Variants in OXR1 observed in about 807,000 individuals in gnomAD.
OXR1 encodes the protein oxidation resistance 1.
In OXR1, 41 loss-of-function variants were observed where a neutral mutation model predicts 104.6. The observed-to-expected ratio is 0.39, with a 90% confidence interval of 0.31 to 0.51. OXR1 has a LOEUF of 0.51. Among genes scored for constraint, OXR1 ranks in the 20% least tolerant of loss-of-function variants. OXR1 has a pLI of 0.77. For synonymous variants in OXR1, 348 were observed against 348.4 expected (o/e 1.00, Z 0.01); for missense variants, 955 against 1,031.9 (o/e 0.93, Z 1.02).
intron 2 of OXR1, among the ~76,000 whole-genome samples, chr8:106,499,836 C>T (rs564178595): frequency 3.3e-5 from 5 of 152,294 alleles, no homozygotes; most frequent in South Asian, 2.1e-4. Flanking sequence ...AGAAAAAAGA[C>T]GTGTTCTCCC....
At chr8:106,349,736 T>C (rs962928635) in intron 1 of OXR1, among the ~76,000 whole-genome samples, 2 of 151,912 alleles carry the variant, frequency 1.3e-5, no homozygotes, top group Admixed American at 6.6e-5. Flanking sequence ...AAGTCAAGGG[T>C]TACAAGTTAC....
At position 106,751,403 on chromosome 8, in the gene OXR1, C is replaced by A. The variant is rs1835879642; in HGVS notation, c.*462C>A. ...ACAGGTAACATTTGGACATGTTCAT[C>A]TTATTCTTAGGAAGGAAAAAATCAC... On this transcript the variant is annotated 3_prime_UTR_variant, in exon 17 of 17. Transcript: ENST00000517566. The A allele has an allele frequency of 6.6e-6, 1 of 152,636 alleles. No individual in the cohort carries two copies. Among genetic ancestry groups the A allele is most frequent in the South Asian group, 2.1e-4 (1 of 4,832 alleles). The allele number at this position is 152,636 out of a possible 1,614,324, so 9.5% of individuals were successfully genotyped here.
intron 1 of OXR1, among the ~76,000 whole-genome samples, chr8:106,288,542 G>GTGTA (rs148349338): frequency 8.1e-4 from 120 of 147,520 alleles, no homozygotes; most frequent in African/African-American, 2.4e-3. Context: ...GTGTGTGTGT[G>GTGTA]TATATATATA....
chr8:106,345,311 C>A (rs1815433607), intron 1 of OXR1, among the ~76,000 whole-genome samples: 1 of 152,128 alleles, frequency 6.6e-6, no homozygotes, highest in African/African-American at 2.4e-5. Flanking sequence ...GGAATTAAAG[C>A]TGGTTAGAGC....
chr8:106,364,974 T>A (rs772304249), intron 2 of OXR1, among the ~76,000 whole-genome samples: 1 of 152,188 alleles, frequency 6.6e-6, no homozygotes, highest in Non-Finnish European at 1.5e-5. Context: ...GCAGAGGAAG[T>A]AGAGACTTGA....
chr8:106,506,576 C>T (rs1045892457), intron 2 of OXR1, among the ~76,000 whole-genome samples: 11 of 151,882 alleles, frequency 7.2e-5, no homozygotes, highest in Admixed American at 3.9e-4. Context: ...ACGCCGCAGC[C>T]CTCCAGCCTG....
At chr8:106,737,779 A>G (rs1834535216) in intron 12 of OXR1, among the ~76,000 whole-genome samples, 179 bp downstream of exon 12, 1 of 152,070 alleles carries the variant, frequency 6.6e-6, no homozygotes, top group Non-Finnish European at 1.5e-5. Context: ...CTTTTCTGTC[A>G]TCTTTTCATT....
At chr8:106,363,815 C>G (rs950313708) in intron 2 of OXR1, among the ~76,000 whole-genome samples, 2 of 152,118 alleles carry the variant, frequency 1.3e-5, no homozygotes, top group Admixed American at 1.3e-4. Flanking sequence ...TTATTGGTCA[C>G]AAAGTACTGT....
At chr8:106,583,610 C>G (rs1479469753) in intron 3 of OXR1, among the ~76,000 whole-genome samples, 2 of 152,056 alleles carry the variant, frequency 1.3e-5, no homozygotes, top group East Asian at 3.9e-4. Context: ...GAGGAGGTAA[C>G]AGTGATAAAA....
intron 2 of OXR1, among the ~76,000 whole-genome samples, chr8:106,377,370 G>C (rs993585892): frequency 2.6e-5 from 4 of 151,940 alleles, no homozygotes; most frequent in African/African-American, 9.7e-5. Context: ...AAAATTTATA[G>C]AGATGAGGTC....
At chr8:106,314,954 G>A (rs1389576373) in intron 1 of OXR1, among the ~76,000 whole-genome samples, 2 of 151,968 alleles carry the variant, frequency 1.3e-5, no homozygotes, top group East Asian at 1.9e-4. Flanking sequence ...AAGTATCCCC[G>A]AATAATTAGA....
intron 1 of OXR1, among the ~76,000 whole-genome samples, chr8:106,309,010 G>C (rs1312317552): frequency 6.7e-6 from 1 of 150,102 alleles, no homozygotes; most frequent in Middle Eastern, 3.5e-3. Flanking sequence ...ACAGGGTCTT[G>C]CTCTGTCATA....
At chr8:106,725,285 T>G (rs1833222469) in intron 11 of OXR1, among the ~76,000 whole-genome samples, 1 of 151,928 alleles carries the variant, frequency 6.6e-6, no homozygotes, top group African/African-American at 2.4e-5. Context: ...GATGCAGTAT[T>G]GCGTGTTAGA....
chr8:106,728,064 T>G (rs1563752005), intron 11 of OXR1, among the ~76,000 whole-genome samples: 1 of 152,014 alleles, frequency 6.6e-6, no homozygotes, highest in Non-Finnish European at 1.5e-5. Flanking sequence ...TCTAGTTGTT[T>G]TCTTTGTTTT....
rs550050266 is a variant in OXR1 at position 106,344,821 on chromosome 8, C to A, written c.-138-14655C>A. 2.8e-4 allele frequency among the ~76,000 whole-genome samples: 42 copies of A among 152,318 alleles called. 1 individual carries two copies. Among genetic ancestry groups the A allele is most frequent in the African/African-American group, 9.1e-4 (38 of 41,584 alleles). On this transcript the variant is annotated intron_variant, in intron 1 of 16. Transcript: ENST00000517566. Reference sequence around the variant, plus strand: ...CATCTTACCACATACCCCTCACATTCATCCTTTATTGTAAAATCCCGTATG... The same window carrying A: ...CATCTTACCACATACCCCTCACATTAATCCTTTATTGTAAAATCCCGTATG...
intron 2 of OXR1, among the ~76,000 whole-genome samples, chr8:106,476,227 T>C (rs1332365789): frequency 6.6e-6 from 1 of 151,916 alleles, no homozygotes; most frequent in Non-Finnish European, 1.5e-5. Flanking sequence ...AAGTAGAGCA[T>C]CTTCAGTTGA....
At chr8:106,348,569 T>C (rs896851195) in intron 1 of OXR1, among the ~76,000 whole-genome samples, 15 of 152,180 alleles carry the variant, frequency 9.9e-5, no homozygotes, top group African/African-American at 3.4e-4. Flanking sequence ...GTTTGAACCT[T>C]TAATGACTCA....
intron 3 of OXR1, among the ~76,000 whole-genome samples, chr8:106,553,256 A>T (rs747528083): frequency 8.6e-5 from 13 of 151,936 alleles, no homozygotes; most frequent in Non-Finnish European, 1.3e-4. Context: ...GTGGAAAAAA[A>T]TAAGCCTAAA....
At chr8:106,592,894 T>A (rs1819206037) in intron 3 of OXR1, among the ~76,000 whole-genome samples, 1 of 152,148 alleles carries the variant, frequency 6.6e-6, no homozygotes, top group Admixed American at 6.5e-5. Context: ...GTTTCTACCA[T>A]TTATATAGAC....
Sources: gnomAD v4.1 joint callset for allele counts (sites outside exome capture counted in the v4.1 genomes callset) on GRCh38, gnomAD v4.1.1 for gene constraint, MANE v1.5 for transcripts, NCBI Gene and HGNC (gene_info 2026-07-23, HGNC 2026-07-21) for gene names.